The following CDK14 variants were observed in gnomAD, a reference collection of about 807,000 sequenced individuals.
CDK14 encodes cyclin dependent kinase 14, also known as cyclin-dependent kinase 14.
A neutral mutation model predicts 60.7 loss-of-function variants in CDK14; 34 were observed. The ratio of observed to expected loss-of-function variants is 0.56; its 90% CI spans 0.43 to 0.75. The LOEUF (loss-of-function observed/expected upper bound fraction) is 0.75, where lower values mean the gene tolerates loss of function less well. CDK14 is among the 30% of genes least tolerant of loss of function. The probability of loss-of-function intolerance (pLI) is 0.00; values close to 1 mark genes in which losing one functional copy is unlikely to be tolerated. For synonymous variants in CDK14, 197 were observed against 203.7 expected (o/e 0.97, Z 0.28); for missense variants, 482 against 564.1 (o/e 0.85, Z 1.47).
At chr7:91,056,827 G>T (rs1469183175) in intron 11 of CDK14, among the ~76,000 whole-genome samples, 1 of 152,152 alleles carries the variant, frequency 6.6e-6, no homozygotes, top group Non-Finnish European at 1.5e-5. Flanking sequence ...ATTTGGGTTG[G>T]TTCCAAGTCT....
intron 2 of CDK14, among the ~76,000 whole-genome samples, chr7:90,657,226 G>T (rs571859169): frequency 1.3e-5 from 2 of 152,158 alleles, no homozygotes; most frequent in East Asian, 3.9e-4. Flanking sequence ...AAATGGTTTT[G>T]GGCTATTGAA....
chr7:90,628,165 C>CA (rs1439879836), intron 2 of CDK14, among the ~76,000 whole-genome samples: 2 of 152,020 alleles, frequency 1.3e-5, no homozygotes, highest in Non-Finnish European at 2.9e-5. Flanking sequence ...CTGTGTTGCC[C>CA]AAGTTGGTCT....
intron 11 of CDK14, among the ~76,000 whole-genome samples, chr7:91,062,517 T>A (rs566776337): frequency 6.6e-6 from 1 of 151,432 alleles, no homozygotes; most frequent in South Asian, 2.1e-4. Flanking sequence ...AGACTGGAGC[T>A]GTTCCTATTC....
At chr7:91,190,326 A>C in intron 14 of CDK14, among the ~76,000 whole-genome samples, 1 of 152,210 alleles carries the variant, frequency 6.6e-6, no homozygotes, top group African/African-American at 2.4e-5. Flanking sequence ...TGGTCAGGAC[A>C]GGTCAAATGG....
intron 14 of CDK14, among the ~76,000 whole-genome samples, chr7:91,181,350 C>G (rs1801995068): frequency 6.6e-6 from 1 of 152,048 alleles, no homozygotes; most frequent in African/African-American, 2.4e-5. Flanking sequence ...ACATGTTCCT[C>G]TCTCTCCCAT....
At chr7:90,619,083 GT>G (rs1484435806) in intron 2 of CDK14, among the ~76,000 whole-genome samples, 1 of 152,184 alleles carries the variant, frequency 6.6e-6, no homozygotes, top group East Asian at 1.9e-4. Context: ...CCTCTAACTT[GT>G]TTCCACCTCC....
At chr7:91,103,869 T>A (rs3824052) in intron 12 of CDK14, among the ~76,000 whole-genome samples, 16,315 of 141,548 alleles carry the variant, frequency 0.12, 1,403 homozygotes, top group African/African-American at 0.25. Flanking sequence ...AGAGAGAGAG[T>A]GTGTATTGCA....
intron 14 of CDK14, among the ~76,000 whole-genome samples, chr7:91,181,099 G>C (rs1024797516): frequency 6.6e-6 from 1 of 152,074 alleles, no homozygotes; most frequent in Non-Finnish European, 1.5e-5. Context: ...ACCAATTTCA[G>C]CACTTCCTTA....
intron 14 of CDK14, among the ~76,000 whole-genome samples, chr7:91,157,149 TTCTC>T (rs140884353): frequency 0.011 from 1,720 of 152,304 alleles, 38 homozygotes; most frequent in African/African-American, 0.04. Context: ...TATTTTCTCT[TTCTC>T]TATGAGAAGA....
At chr7:90,873,449 C>G (rs923932754) in intron 6 of CDK14, among the ~76,000 whole-genome samples, 2 of 152,086 alleles carry the variant, frequency 1.3e-5, no homozygotes, top group Admixed American at 1.3e-4. Context: ...TGAAAATGAC[C>G]ACTTCTTGCA....
At chr7:91,197,850 C>T (rs1048165344) in intron 14 of CDK14, among the ~76,000 whole-genome samples, 1 of 152,170 alleles carries the variant, frequency 6.6e-6, no homozygotes, top group African/African-American at 2.4e-5. Context: ...AATACTTTAA[C>T]CAATTATAAT....
intron 6 of CDK14, among the ~76,000 whole-genome samples, chr7:90,892,909 G>A (rs1792180704): frequency 6.6e-6 from 1 of 152,114 alleles, no homozygotes; most frequent in Admixed American, 6.6e-5. Context: ...CTCCCAATTA[G>A]CTGGGACTAC....
At chr7:91,194,092 T>G (rs1304961304) in intron 14 of CDK14, among the ~76,000 whole-genome samples, 1 of 152,156 alleles carries the variant, frequency 6.6e-6, no homozygotes, top group Non-Finnish European at 1.5e-5. Context: ...TGTTCTCCTG[T>G]GCATTTTACC....
chr7:90,686,004 G>A (rs1801426868), intron 2 of CDK14, among the ~76,000 whole-genome samples: 1 of 151,956 alleles, frequency 6.6e-6, no homozygotes, highest in African/African-American at 2.4e-5. Flanking sequence ...ACATAAGAAA[G>A]CTGTTTTATT....
At chr7:91,126,494 G>C (rs1406141740) in intron 14 of CDK14, among the ~76,000 whole-genome samples, 1 of 152,140 alleles carries the variant, frequency 6.6e-6, no homozygotes, top group Admixed American at 6.5e-5. Flanking sequence ...CACTTAACGA[G>C]CTTATAGCAC....
chr7:90,617,529 T>G (rs1219171021), intron 2 of CDK14, among the ~76,000 whole-genome samples: 2 of 152,142 alleles, frequency 1.3e-5, no homozygotes, highest in African/African-American at 2.4e-5. Flanking sequence ...CTATGTCATT[T>G]TTGAACTGAG....
intron 6 of CDK14, among the ~76,000 whole-genome samples, chr7:90,874,820 G>T (rs4015338): frequency 2.0e-5 from 3 of 151,888 alleles, no homozygotes; most frequent in Non-Finnish European, 4.4e-5. Flanking sequence ...GAGCCACCGC[G>T]CCCGGCCTCA....
intron 2 of CDK14, among the ~76,000 whole-genome samples, chr7:90,625,842 G>C (rs938060896): frequency 2.0e-5 from 3 of 152,152 alleles, no homozygotes; most frequent in Non-Finnish European, 4.4e-5. Context: ...GCTTTTCTTC[G>C]TACTCGTAGT....
At chr7:91,119,850 T>G (rs1235840807) in intron 14 of CDK14, among the ~76,000 whole-genome samples, 1 of 152,180 alleles carries the variant, frequency 6.6e-6, no homozygotes, top group Non-Finnish European at 1.5e-5. Context: ...GTAAGAGTCT[T>G]CATTCTTCAT....
Sources: gnomAD v4.1 joint callset for allele counts (sites outside exome capture counted in the v4.1 genomes callset) on GRCh38, gnomAD v4.1.1 for gene constraint, MANE v1.5 for transcripts, NCBI Gene and HGNC (gene_info 2026-07-23, HGNC 2026-07-21) for gene names.